Variants in LAMB4 observed in about 807,000 individuals in gnomAD.
The protein encoded by LAMB4 is laminin subunit beta-4.
In LAMB4, 196 loss-of-function variants were observed where a neutral mutation model predicts 199.2. That is an observed-to-expected ratio of 0.98 (90% CI 0.88 to 1.11). The LOEUF (loss-of-function observed/expected upper bound fraction) is 1.11, where lower values mean the gene tolerates loss of function less well. Ranked by LOEUF, LAMB4 falls within the 50% of genes least tolerant of loss-of-function variation. The pLI, the probability that LAMB4 is intolerant of heterozygous loss-of-function variation, is 0.00. For synonymous variants in LAMB4, 744 were observed against 770.6 expected (o/e 0.97, Z 0.57); for missense variants, 2,080 against 2,171.2 (o/e 0.96, Z 0.83).
In LAMB4 at chr7:108,125,713, T is replaced by A. The variant is rs548287310; in HGVS notation, c.-33-2516A>T. ...GGTGGGAGTGAGGCAGACTGCCGAA[T>A]TCCCAGGACTCAGATTTAGAAAGAC... On this transcript the variant is annotated intron_variant, in intron 1 of 33. Transcript: ENST00000388781. Among the ~76,000 whole-genome samples, 55 of 152,356 alleles carry A rather than the reference T, an allele frequency of 3.6e-4. 1 individual carries two copies. The South Asian group carries it at 9.3e-3, about 26-fold the overall frequency.
At chr7:108,021,649 C>T (rs977473199), downstream of LAMB4, among the ~76,000 whole-genome samples, 2 of 151,390 alleles carry the variant, frequency 1.3e-5, no homozygotes, top group African/African-American at 2.4e-5. Context: ...GCTGAGGTTG[C>T]GGTGAGCCGA....
At chr7:108,031,280 G>A (rs2035021133) in intron 31 of LAMB4, among the ~76,000 whole-genome samples, 1 of 141,212 alleles carries the variant, frequency 7.1e-6, no homozygotes. Context: ...CTGTGATTGT[G>A]CCACTGCACT....
At chr7:108,031,152 C>A (rs553074154) in intron 31 of LAMB4, among the ~76,000 whole-genome samples, 173 bp from the exon 32 acceptor site, 1 of 151,296 alleles carries the variant, frequency 6.6e-6, no homozygotes, top group Admixed American at 6.6e-5. Flanking sequence ...TTCAGACATA[C>A]AAAAGGGTCT....
chr7:108,053,311 G>C (rs2035883328), intron 25 of LAMB4, among the ~76,000 whole-genome samples: 1 of 152,154 alleles, frequency 6.6e-6, no homozygotes, highest in African/African-American at 2.4e-5. Context: ...TTTGACTTCT[G>C]AATTTATGCT....
At chr7:108,070,344 C>T (rs534363495) in intron 17 of LAMB4, among the ~76,000 whole-genome samples, 1 of 152,358 alleles carries the variant, frequency 6.6e-6, no homozygotes, top group Non-Finnish European at 1.5e-5. Context: ...CCTCTTCAGT[C>T]TTTCCCTAGT....
intron 31 of LAMB4, among the ~76,000 whole-genome samples, chr7:108,033,513 A>G (rs886288956): frequency 1.3e-5 from 2 of 151,998 alleles, no homozygotes; most frequent in South Asian, 2.1e-4. Context: ...TGGAGGAGCG[A>G]TTCTGTTGCC....
Position 108,024,059 on chromosome 7 carries a change from AT to A in LAMB4, c.5265del (p.Lys1755AsnfsTer11), listed in dbSNP as rs568834649. On this transcript the variant is annotated frameshift_variant, in exon 34 of 34. Transcript: ENST00000388781. LOFTEE classifies it high-confidence loss of function. ...TCTGCCTAGCTATAGCACCTAGCAT[AT>A]TTTTTTTCTTGTTCAACAATTTCAT... ...IKNEIVEQEK[K>X]YARCYS is the part of the protein sequence containing the mutation. The A allele has an allele frequency of 9.7e-3, 15,645 of 1,607,420 alleles. 97 individuals carry two copies. Among genetic ancestry groups the A allele is most frequent in the Non-Finnish European group, 0.012 (14,131 of 1,177,518 alleles).
At chr7:108,075,089 C>A (rs2036653849) in intron 17 of LAMB4, among the ~76,000 whole-genome samples, 1 of 152,098 alleles carries the variant, frequency 6.6e-6, no homozygotes, top group African/African-American at 2.4e-5. Flanking sequence ...GGCATTTCCC[C>A]CCCAAATTAA....
chr7:108,071,204 C>T (rs1410772842), intron 17 of LAMB4, among the ~76,000 whole-genome samples: 1 of 152,198 alleles, frequency 6.6e-6, no homozygotes, highest in African/African-American at 2.4e-5. Context: ...TGCCCTTTGA[C>T]TCCTTGATAG....
chr7:108,019,614 G>C (rs1367279976), downstream of LAMB4, among the ~76,000 whole-genome samples: 2 of 152,202 alleles, frequency 1.3e-5, no homozygotes, highest in South Asian at 4.2e-4. Context: ...ACACTCATCT[G>C]TTGGCCAGAA....
intron 24 of LAMB4, among the ~76,000 whole-genome samples, chr7:108,056,977 A>C (rs1169312445): frequency 2.6e-5 from 4 of 152,030 alleles, no homozygotes; most frequent in African/African-American, 9.7e-5. Context: ...GTCTCAAAAA[A>C]AAAAAAAAAA....
chr7:108,108,247 C>T (rs2038095786), intron 5 of LAMB4, among the ~76,000 whole-genome samples: 1 of 152,166 alleles, frequency 6.6e-6, no homozygotes, highest in African/African-American at 2.4e-5. Context: ...CTTTTAAAAT[C>T]TACTACACAA....
chr7:108,095,060 A>G (rs542209598), intron 12 of LAMB4, among the ~76,000 whole-genome samples, 168 bp downstream of exon 12: 10 of 152,180 alleles, frequency 6.6e-5, no homozygotes, highest in Middle Eastern at 3.4e-3. Flanking sequence ...GGGTGAGGGG[A>G]GGCTGATAGG....
intron 14 of LAMB4, among the ~76,000 whole-genome samples, chr7:108,083,995 T>C (rs2037063316): frequency 6.6e-6 from 1 of 152,188 alleles, no homozygotes; most frequent in Non-Finnish European, 1.5e-5. Flanking sequence ...GGCTATATCA[T>C]GGGGACACGA....
At chr7:108,039,964 A>G (rs993616042) in intron 29 of LAMB4, among the ~76,000 whole-genome samples, 21 of 152,330 alleles carry the variant, frequency 1.4e-4, no homozygotes, top group Admixed American at 6.5e-4. Flanking sequence ...GGAAGAGAGG[A>G]AGTCAAACTA....
chr7:108,078,487 C>A (rs1431620119), intron 15 of LAMB4, among the ~76,000 whole-genome samples, 171 bp from the exon 16 acceptor site: 1 of 152,224 alleles, frequency 6.6e-6, no homozygotes, highest in Non-Finnish European at 1.5e-5. Context: ...TCAGGCCCAA[C>A]TCTCTGATGC....
chr7:108,092,194 G>T (rs1002701030), intron 13 of LAMB4, 143 bp downstream of exon 13: 4 of 658,822 alleles, frequency 6.1e-6, no homozygotes, highest in Non-Finnish European at 1.1e-5. Flanking sequence ...TGAAGTGAAA[G>T]AAATCAATGG....
At position 108,029,216 on chromosome 7, in the gene LAMB4, C is replaced by T. The variant is rs1563027850; in HGVS notation, c.4993-20G>A. ...AAATTCCTGTAACAAGCAACACTTG[C>T]ATCATGAGAAAATATGTATAAAGCA... On this transcript the variant is annotated intron_variant, in intron 32 of 33. Transcript: ENST00000388781. 6.2e-7 allele frequency: 1 copy of T among 1,605,216 alleles called. No homozygotes were observed. Among genetic ancestry groups the T allele is most frequent in the Non-Finnish European group, 8.5e-7 (1 of 1,175,862 alleles).
chr7:108,031,174 C>G (rs893616237), intron 31 of LAMB4, among the ~76,000 whole-genome samples, 195 bp from the exon 32 acceptor site: 1 of 150,256 alleles, frequency 6.7e-6, no homozygotes, highest in East Asian at 1.9e-4. Context: ...AAAAATATAA[C>G]GTTAGCCTAG....
Sources: allele counts gnomAD v4.1 joint callset (sites outside exome capture counted in the v4.1 genomes callset), GRCh38; gene constraint gnomAD v4.1.1; transcripts MANE v1.5; gene names NCBI Gene and HGNC (gene_info 2026-07-23, HGNC 2026-07-21).